The following SERPINB5 variants were observed in gnomAD, a reference collection of about 807,000 sequenced individuals.
SERPINB5 encodes serpin B5.
SERPINB5 carries 27 observed loss-of-function variants against 32.2 expected under a neutral mutation model. The ratio of observed to expected loss-of-function variants is 0.84; its 90% CI spans 0.62 to 1.16. The LOEUF is 1.16. SERPINB5 is among the 50% of genes most tolerant of loss of function. The probability of loss-of-function intolerance (pLI) is 0.00; values close to 1 mark genes in which losing one functional copy is unlikely to be tolerated. For missense variants in SERPINB5, 388 were observed against 436.3 expected (o/e 0.89, Z 0.99); for synonymous variants, 154 against 157.4 (o/e 0.98, Z 0.16).
chr18:63,501,451 C>T (rs1909570711), intron 6 of SERPINB5, among the ~76,000 whole-genome samples: 1 of 152,136 alleles, frequency 6.6e-6, no homozygotes, highest in African/African-American at 2.4e-5. Flanking sequence ...CATTATTGGA[C>T]ATTTGGGTTG....
At chr18:63,500,223 A>G (rs571332073) in intron 6 of SERPINB5, among the ~76,000 whole-genome samples, 1 of 143,830 alleles carries the variant, frequency 7.0e-6, no homozygotes. Flanking sequence ...ACACAGCACT[A>G]TGCCTGGCTT....
intron 4 of SERPINB5, among the ~76,000 whole-genome samples, chr18:63,489,807 G>C (rs1917272408): frequency 6.6e-6 from 1 of 152,186 alleles, no homozygotes. Context: ...GAAATAGAGG[G>C]ACTGGATTAT....
intron 1 of SERPINB5, among the ~76,000 whole-genome samples, chr18:63,481,110 G>A (rs1271498123): frequency 6.6e-6 from 1 of 152,134 alleles, no homozygotes; most frequent in Non-Finnish European, 1.5e-5. Flanking sequence ...CTCCAACAGG[G>A]ACCTGGATCT....
In SERPINB5 at chr18:63,498,830, G is replaced by GTA. The variant is rs773569861; in HGVS notation, c.568-279_568-278dup. 3.4e-4 allele frequency among the ~76,000 whole-genome samples: 49 copies of GTA among 142,576 alleles called. No homozygotes were observed. The East Asian group carries it at 5.1e-3, about 15-fold the overall frequency. The allele number at this position is 142,576 out of a possible 152,430, so 93.5% of individuals were successfully genotyped here. A position where few individuals can be genotyped will look rare whatever the true frequency, so the allele number is the denominator to read the frequency against. On this transcript the variant is annotated intron_variant, in intron 5 of 6. Coordinates refer to ENST00000382771, the MANE Select transcript of SERPINB5 (RefSeq NM_002639.5). The surrounding 1 kb of genome is among the most constrained non-coding windows in gnomAD (Gnocchi z 4.2). ...GTGCATGTGTGTATATATGTATGGG[G>GTA]TATATATATATAGTATGTATATATA... is the stretch of plus-strand genomic sequence containing the variant.
chr18:63,494,976 G>C (rs1278652924), intron 5 of SERPINB5, among the ~76,000 whole-genome samples: 1 of 152,178 alleles, frequency 6.6e-6, no homozygotes, highest in African/African-American at 2.4e-5. Flanking sequence ...GACAAAACCT[G>C]ACTGGCCTTT....
intron 1 of SERPINB5, among the ~76,000 whole-genome samples, chr18:63,478,613 T>A (rs1337267516): frequency 6.6e-6 from 1 of 152,186 alleles, no homozygotes; most frequent in Admixed American, 6.5e-5. Context: ...ACTGATATTA[T>A]AATAGGCAAG....
rs553082910 is a variant in SERPINB5 at position 63,483,441 on chromosome 18, G to A, written c.-7-981G>A. Among the ~76,000 whole-genome samples, 18 of 152,314 alleles carry A rather than the reference G, an allele frequency of 1.2e-4. No individual in the cohort carries two copies. In the South Asian group the frequency reaches 3.7e-3, roughly 32 times the overall value. On this transcript the variant is annotated intron_variant, in intron 1 of 6. Transcript: ENST00000382771. ...GTTATGTGCTGGGTGTCCTGCAAAG[G>A]CATTAGTTACTTTAAGGGTTTTCTA...
At chr18:63,484,003 G>A (rs1281880848) in intron 1 of SERPINB5, among the ~76,000 whole-genome samples, 1 of 152,208 alleles carries the variant, frequency 6.6e-6, no homozygotes, top group African/African-American at 2.4e-5. Context: ...CAAAACTGCT[G>A]CAATTCGACT....
chr18:63,481,976 G>C (rs1391182089), intron 1 of SERPINB5, among the ~76,000 whole-genome samples: 1 of 152,214 alleles, frequency 6.6e-6, no homozygotes, highest in Non-Finnish European at 1.5e-5. Context: ...TTTGCAATGG[G>C]AACTGGCCTG....
At chr18:63,488,210 G>C (rs1917243983) in intron 3 of SERPINB5, among the ~76,000 whole-genome samples, 1 of 152,208 alleles carries the variant, frequency 6.6e-6, no homozygotes, top group South Asian at 2.1e-4. Context: ...TGGTGACAGT[G>C]AGTCCCAAGG....
rs1014088431 is a variant in SERPINB5 at position 63,484,694 on chromosome 18, A to G, written c.168+98A>G. The G allele has an allele frequency of 1.5e-5, 16 of 1,077,458 alleles. No homozygotes were observed. In the Admixed American group the frequency reaches 2.0e-4, roughly 13 times the overall value. The allele number at this position is 1,077,458 out of a possible 1,614,324, so 66.7% of individuals were successfully genotyped here. On this transcript the variant is annotated intron_variant, in intron 2 of 6. Transcript: ENST00000382771. ...AAAAAGGAATGTAGACTTTGTGGCC[A>G]GAATTGGTCAAGATTCAGAACTGTG...
intron 6 of SERPINB5, among the ~76,000 whole-genome samples, chr18:63,500,816 T>C (rs973455971): frequency 1.3e-5 from 2 of 152,212 alleles, no homozygotes; most frequent in African/African-American, 4.8e-5. Context: ...AGCTTGCTCC[T>C]TTGGTTGCCA....
chr18:63,483,924 G>T (rs548389535), intron 1 of SERPINB5, among the ~76,000 whole-genome samples: 1 of 152,170 alleles, frequency 6.6e-6, no homozygotes, highest in Admixed American at 6.5e-5. Flanking sequence ...TGGGGATTAG[G>T]ACTTAACATA....
In SERPINB5 at chr18:63,492,842, T is replaced by C. The variant is rs555062156; in HGVS notation, c.425-111T>C. 1.0e-3 allele frequency: 1,412 copies of C among 1,354,528 alleles called. 1 individual carries two copies. Among genetic ancestry groups the C allele is most frequent in the South Asian group, 2.4e-3 (172 of 71,580 alleles). The allele number at this position is 1,354,528 out of a possible 1,614,324, so 83.9% of individuals were successfully genotyped here. ...TTTGATGGTTGGAACCATCAGGCCT[T>C]ACATGGTGTGACTCCATGAAGTGGT... On this transcript the variant is annotated intron_variant, in intron 4 of 6. Coordinates refer to ENST00000382771, the MANE Select transcript of SERPINB5 (RefSeq NM_002639.5).
intron 4 of SERPINB5, among the ~76,000 whole-genome samples, chr18:63,491,239 T>C (rs527602467): frequency 3.3e-5 from 5 of 151,628 alleles, no homozygotes; most frequent in African/African-American, 9.7e-5. Context: ...CCGTCTCTAC[T>C]AAAAATACAA....
intron 1 of SERPINB5, among the ~76,000 whole-genome samples, chr18:63,482,669 C>A (rs1187358237): frequency 6.6e-6 from 1 of 151,658 alleles, no homozygotes; most frequent in Admixed American, 6.6e-5. Context: ...AACAGTGAAG[C>A]TTTTTAAATC....
intron 4 of SERPINB5, among the ~76,000 whole-genome samples, chr18:63,489,965 G>C (rs1917275299): frequency 6.6e-6 from 1 of 152,200 alleles, no homozygotes; most frequent in Non-Finnish European, 1.5e-5. Context: ...GGCCAAGGCG[G>C]GCGGATCACG....
intron 1 of SERPINB5, among the ~76,000 whole-genome samples, chr18:63,478,948 C>T (rs548270085): frequency 6.6e-6 from 1 of 152,130 alleles, no homozygotes; most frequent in African/African-American, 2.4e-5. Context: ...TTGGTAGACA[C>T]AGGGTTTCAC....
At position 63,504,346 on chromosome 18, in the gene SERPINB5, G is replaced by A. The variant is rs556076056; in HGVS notation, c.*624G>A. 1 of 152,378 alleles carries A rather than the reference G, an allele frequency of 6.6e-6. No homozygotes were observed. The highest frequency in any genetic ancestry group is 2.4e-5 in the African/African-American group (1 of 41,532). The allele number at this position is 152,378 out of a possible 1,614,324, so 9.4% of individuals were successfully genotyped here. On this transcript the variant is annotated 3_prime_UTR_variant, in exon 7 of 7. Transcript: ENST00000382771. ...TAGAACTTCATGGATCAGATCTGGG[G>A]CAGCACCCTATAAATCAACACCTTA...
Sources: gnomAD v4.1 joint callset for allele counts (sites outside exome capture counted in the v4.1 genomes callset) on GRCh38, gnomAD v4.1.1 for gene constraint, Gnocchi (gnomAD v3.1) non-coding constraint, MANE v1.5 for transcripts, NCBI Gene and HGNC (gene_info 2026-07-23, HGNC 2026-07-21) for gene names.